LINGO2: variants seen among roughly 807,000 people sequenced by gnomAD.
The protein encoded by LINGO2 is leucine-rich repeat and immunoglobulin-like domain-containing nogo receptor-interacting protein 2.
LINGO2 carries 14 observed loss-of-function variants against 30.6 expected under a neutral mutation model. The observed-to-expected ratio is 0.46, with a 90% CI of 0.30 to 0.72. The LOEUF (loss-of-function observed/expected upper bound fraction) is 0.72. Ranked by LOEUF, LINGO2 falls within the 30% of genes least tolerant of loss-of-function variation. LINGO2 has a pLI of 0.07. For synonymous variants in LINGO2, 317 were observed against 288.5 expected, an observed-to-expected ratio of 1.10 and a Z score of -1.00; for missense variants, 729 against 751.7, an observed-to-expected ratio of 0.97 and a Z score of 0.35.
At chr9:28,327,019 T>A (rs1347744973) in intron 3 of LINGO2, among the ~76,000 whole-genome samples, 1 of 152,138 alleles carries the variant, frequency 6.6e-6, no homozygotes, top group African/African-American at 2.4e-5. Context: ...GTGGTGGCAT[T>A]AAGAGGTGGC....
At position 28,148,896 on chromosome 9, in the gene LINGO2, C is replaced by A; in HGVS notation, c.-86-136491G>T. 1.3e-6 allele frequency: 2 copies of A among 1,533,786 alleles called. No individual in the cohort carries two copies. The highest frequency in any genetic ancestry group is 8.7e-7 in the Non-Finnish European group (1 of 1,146,526). ...GGGGAGGACATGCAGCCCAAGGATC[C>A]TGCAGCTCTTGGGTCAAGTAGGTCT... On this transcript the variant is annotated intron_variant, in intron 4 of 5. Coordinates refer to ENST00000379992, the Ensembl canonical transcript of LINGO2. This position sits in a 1 kb window ranked among gnomAD's most constrained non-coding sequence, Gnocchi z 5.1.
At chr9:28,755,278 C>A in the LINGO2 span, among the ~76,000 whole-genome samples, 3 of 152,056 alleles carry the variant, frequency 2.0e-5, no homozygotes, top group African/African-American at 7.3e-5. Context: ...TGGAATTACA[C>A]AAGCAACAAA....
the LINGO2 span, among the ~76,000 whole-genome samples, chr9:28,841,203 A>G: frequency 6.6e-6 from 1 of 151,866 alleles, no homozygotes; most frequent in Non-Finnish European, 1.5e-5. Context: ...GGTAGAAATC[A>G]GGGCTGACTC....
At chr9:28,945,178 G>A in the LINGO2 span, among the ~76,000 whole-genome samples, 1 of 152,122 alleles carries the variant, frequency 6.6e-6, no homozygotes, top group South Asian at 2.1e-4. Context: ...AACTTAACAA[G>A]CCAGTATTTC....
At chr9:28,822,904 G>T in the LINGO2 span, among the ~76,000 whole-genome samples, 1 of 152,132 alleles carries the variant, frequency 6.6e-6, no homozygotes, top group Non-Finnish European at 1.5e-5. Flanking sequence ...GGAACAGGCT[G>T]AAACAGAACA....
the LINGO2 span, among the ~76,000 whole-genome samples, chr9:29,142,530 G>T: frequency 6.6e-6 from 1 of 151,618 alleles, no homozygotes; most frequent in Non-Finnish European, 1.5e-5. Flanking sequence ...TTCAAAATTA[G>T]CAGGAAAAAA....
the LINGO2 span, among the ~76,000 whole-genome samples, chr9:28,802,101 G>T: frequency 6.6e-6 from 1 of 151,576 alleles, no homozygotes; most frequent in Non-Finnish European, 1.5e-5. Context: ...ATATTTATAC[G>T]AATGTTTATA....
At chr9:29,154,780 G>C in the LINGO2 span, among the ~76,000 whole-genome samples, 1 of 152,160 alleles carries the variant, frequency 6.6e-6, no homozygotes, top group East Asian at 1.9e-4. Flanking sequence ...AATATCACTA[G>C]TAGAAAATAT....
At chr9:28,086,103 T>C (rs1453748128) in intron 4 of LINGO2, among the ~76,000 whole-genome samples, 1 of 152,102 alleles carries the variant, frequency 6.6e-6, no homozygotes, top group African/African-American at 2.4e-5. Flanking sequence ...GACAAGGAGC[T>C]AGCAGTTAAC....
intron 2 of LINGO2, among the ~76,000 whole-genome samples, chr9:28,390,547 T>C (rs1821783207): frequency 6.7e-6 from 1 of 149,312 alleles, no homozygotes; most frequent in African/African-American, 2.5e-5. Context: ...AGAGCAGAAA[T>C]AGGTTTTCTT....
At chr9:28,694,956 T>G in the LINGO2 span, among the ~76,000 whole-genome samples, 1 of 151,566 alleles carries the variant, frequency 6.6e-6, no homozygotes, top group Non-Finnish European at 1.5e-5. Context: ...CTGACTGTTT[T>G]TTTTTTTTTT....
At chr9:28,265,462 A>G (rs1469685389) in intron 4 of LINGO2, among the ~76,000 whole-genome samples, 1 of 152,036 alleles carries the variant, frequency 6.6e-6, no homozygotes, top group African/African-American at 2.4e-5. Context: ...TGATAGGGAC[A>G]GTGGACAAAT....
At chr9:27,978,036 T>C (rs1359051764) in intron 5 of LINGO2, among the ~76,000 whole-genome samples, 1 of 151,990 alleles carries the variant, frequency 6.6e-6, no homozygotes, top group East Asian at 1.9e-4. Context: ...TGCCTCTTGC[T>C]GAATGATGTC....
At chr9:28,908,690 A>G in the LINGO2 span, among the ~76,000 whole-genome samples, 1 of 151,960 alleles carries the variant, frequency 6.6e-6, no homozygotes, top group East Asian at 1.9e-4. Context: ...TTCACAATCT[A>G]TTTTATAAGG....
chr9:28,679,940 T>G, the LINGO2 span, among the ~76,000 whole-genome samples: 2 of 143,600 alleles, frequency 1.4e-5, no homozygotes, highest in Non-Finnish European at 3.0e-5. Flanking sequence ...ATACTTACCG[T>G]TTTTTTTTGT....
chr9:29,002,989 C>A, the LINGO2 span, among the ~76,000 whole-genome samples: 1 of 151,942 alleles, frequency 6.6e-6, no homozygotes. Context: ...TCCAAAATGA[C>A]TGGTGTCCTT....
chr9:28,683,771 A>G, the LINGO2 span, among the ~76,000 whole-genome samples: 1 of 152,204 alleles, frequency 6.6e-6, no homozygotes, highest in Non-Finnish European at 1.5e-5. Context: ...AGCAGCTGCT[A>G]TGTGGCAAGC....
chr9:28,479,167 A>G (rs1278355427), intron 1 of LINGO2, among the ~76,000 whole-genome samples: 1 of 152,030 alleles, frequency 6.6e-6, no homozygotes, highest in Non-Finnish European at 1.5e-5. Flanking sequence ...AAAATGAACT[A>G]TTAATACATA....
At chr9:28,355,626 A>T (rs1820171812) in intron 3 of LINGO2, among the ~76,000 whole-genome samples, 2 of 152,132 alleles carry the variant, frequency 1.3e-5, no homozygotes, top group South Asian at 2.1e-4. Flanking sequence ...GTGGACAGAG[A>T]TCCCTAGAGA....
Sources: gnomAD v4.1 joint callset for allele counts (sites outside exome capture counted in the v4.1 genomes callset) on GRCh38, gnomAD v4.1.1 for gene constraint, Gnocchi (gnomAD v3.1) non-coding constraint, MANE v1.5 for transcripts, NCBI Gene and HGNC (gene_info 2026-07-23, HGNC 2026-07-21) for gene names.